The following CACNA1B variants were observed in gnomAD, a reference collection of about 807,000 sequenced individuals.
CACNA1B encodes the protein voltage-dependent N-type calcium channel subunit alpha-1B.
Under a neutral mutation model 247.2 loss-of-function variants are expected in CACNA1B, and 70 were observed. The ratio of observed to expected loss-of-function variants is 0.28; its 90% CI spans 0.23 to 0.35. The LOEUF is 0.35. Among genes scored for constraint, CACNA1B ranks in the 10% least tolerant of loss-of-function variants. The pLI, the probability that CACNA1B is intolerant of heterozygous loss-of-function variation, is 1.00. For synonymous variants in CACNA1B, 1,231 were observed against 1,294.4 expected (o/e 0.95, Z 1.05); for missense variants, 2,367 against 3,197.4 (o/e 0.74, Z 6.26).
chr9:138,014,078 CAGCCACAGG>C lies in CACNA1B; in HGVS notation c.2267+844_2267+852del, dbSNP rs1958760446. The stretch of plus-strand genomic sequence containing the variant: ...TGAACACGGAACACAGGGCCGGGTG[CAGCCACAGG>C]TGCATCTGTAGTGACGTGTGTCTGC... On this transcript the variant is annotated intron_variant, in intron 18 of 46. Coordinates refer to ENST00000371372, the MANE Select transcript of CACNA1B (RefSeq NM_000718.4). This position sits in a 1 kb window ranked among gnomAD's most constrained non-coding sequence, Gnocchi z 6.2. 6.6e-6 allele frequency among the ~76,000 whole-genome samples: 1 copy of C among 152,256 alleles called. No individual in the cohort carries two copies. Among genetic ancestry groups the C allele is most frequent in the Admixed American group, 6.5e-5 (1 of 15,288 alleles).
At chr9:138,048,360 T>G (rs935716590) in intron 23 of CACNA1B, among the ~76,000 whole-genome samples, 1 of 152,186 alleles carries the variant, frequency 6.6e-6, no homozygotes, top group African/African-American at 2.4e-5. Flanking sequence ...TGGGGCCATG[T>G]GTACCTACAG....
Position 138,011,246 on chromosome 9 carries a change from G to A in CACNA1B, c.2160+1169G>A, listed in dbSNP as rs1185367948. ...GAGCCCGGGGCCCTAGCTGTCCTGG[G>A]TGGGCTGCACTGGAGCGCTGGGGCC... is the stretch of plus-strand genomic sequence containing the variant. On this transcript the variant is annotated intron_variant, in intron 17 of 46. Coordinates refer to ENST00000371372, the MANE Select transcript of CACNA1B (RefSeq NM_000718.4). The surrounding 1 kb of genome is among the most constrained non-coding windows in gnomAD (Gnocchi z 4.2). Among the ~76,000 whole-genome samples, 1 of 152,182 alleles carries A rather than the reference G, an allele frequency of 6.6e-6. No homozygotes were observed. The highest frequency in any genetic ancestry group is 1.5e-5 in the Non-Finnish European group (1 of 68,038).
chr9:138,059,166 A>G lies in CACNA1B; in HGVS notation c.4561A>G (p.Lys1521Glu). The G allele has an allele frequency of 1.2e-6, 2 of 1,610,392 alleles. No homozygotes were observed. The highest frequency in any genetic ancestry group is 1.7e-6 in the Non-Finnish European group (2 of 1,176,804). Residue 1521 changes from lysine to glutamate, a missense_variant, in exon 30 of 47, where the codon AAG becomes GAG. This residue lies in a region of CACNA1B where 436 missense variants were observed against 679.5 expected (regional missense o/e 0.64). Transcript: ENST00000371372. This position sits in a 1 kb window ranked among gnomAD's most constrained non-coding sequence, Gnocchi z 4.2. ...CATGTTCTCCATGGAATGCGTGCTG[A>G]AGATCATCGCCTTTGGGGTGCTGGT... ...TSMFSMECVL[K>E]IIAFGVLNYF...
At chr9:138,028,242 T>C (rs7033009) in intron 20 of CACNA1B, among the ~76,000 whole-genome samples, 29,514 of 151,830 alleles carry the variant, frequency 0.19, 7,694 homozygotes, top group African/African-American at 0.6. Flanking sequence ...AGGCTGATCT[T>C]AAACTCCTGA....
chr9:137,921,400 G>T (rs1397312388), intron 6 of CACNA1B, among the ~76,000 whole-genome samples: 2 of 152,044 alleles, frequency 1.3e-5, no homozygotes, highest in African/African-American at 2.4e-5. Context: ...AGAGTAAAGC[G>T]TTCGGAGAAC....
At chr9:137,987,550 G>A (rs1348346396) in intron 15 of CACNA1B, among the ~76,000 whole-genome samples, 2 of 152,200 alleles carry the variant, frequency 1.3e-5, no homozygotes, top group Non-Finnish European at 2.9e-5. Context: ...TGTCTTGCCT[G>A]TGATGCCTCT....
At chr9:137,927,928 A>G (rs1387349826) in intron 6 of CACNA1B, among the ~76,000 whole-genome samples, 1 of 152,092 alleles carries the variant, frequency 6.6e-6, no homozygotes, top group Non-Finnish European at 1.5e-5. Context: ...TAATATGGTG[A>G]ATTACATTGA....
At chr9:138,046,493 G>A (rs1589092774) in intron 21 of CACNA1B, among the ~76,000 whole-genome samples, 1 of 152,226 alleles carries the variant, frequency 6.6e-6, no homozygotes, top group East Asian at 1.9e-4. Context: ...GCTGCCCACA[G>A]CTGACCTCTT....
At chr9:138,110,174 G>T (rs1023053161) in intron 39 of CACNA1B, among the ~76,000 whole-genome samples, 2 of 151,904 alleles carry the variant, frequency 1.3e-5, no homozygotes, top group African/African-American at 4.8e-5. Context: ...CAGTGCAGTG[G>T]TGCAATCTCA....
At chr9:137,935,610 T>C (rs1365205501) in intron 6 of CACNA1B, among the ~76,000 whole-genome samples, 1 of 152,216 alleles carries the variant, frequency 6.6e-6, no homozygotes, top group Non-Finnish European at 1.5e-5. Context: ...ATCCTTTGGG[T>C]ATATACCCAG....
intron 3 of CACNA1B, among the ~76,000 whole-genome samples, chr9:137,911,175 T>G (rs1056287764): frequency 1.7e-4 from 26 of 151,988 alleles, no homozygotes; most frequent in Non-Finnish European, 2.9e-4. Context: ...TATGTGGGGG[T>G]TTATTTCTGG....
At chr9:137,894,348 C>T (rs1957147343) in intron 3 of CACNA1B, among the ~76,000 whole-genome samples, 1 of 131,010 alleles carries the variant, frequency 7.6e-6, no homozygotes, top group Non-Finnish European at 1.5e-5. Flanking sequence ...ATGTCGTGAT[C>T]GTTGTGGCTT....
chr9:138,030,145 C>G (rs1056811464), intron 20 of CACNA1B, among the ~76,000 whole-genome samples: 16 of 152,156 alleles, frequency 1.1e-4, no homozygotes, highest in Admixed American at 6.5e-5. Flanking sequence ...TGACATCTTT[C>G]CTGGAGGGAG....
chr9:138,121,641 C>G lies in CACNA1B; in HGVS notation c.6662C>G (p.Pro2221Arg), dbSNP rs1230349677. 1.2e-6 allele frequency: 2 copies of G among 1,613,000 alleles called. No homozygotes were observed. The highest frequency in any genetic ancestry group is 1.6e-4 in the Middle Eastern group (1 of 6,082). ...TTCGCCGGGGCTCAGACCAGCCTCC[C>G]TGCCTTCTCCCCAGGCCGGCTCAGC... ...IHFAGAQTSL[P>R]AFSPGRLSRG... Residue 2221 changes from proline to arginine, a missense_variant, in exon 47 of 47, where the codon CCT (proline) becomes CGT (arginine). Transcript: ENST00000371372. The surrounding 1 kb of genome is among the most constrained non-coding windows in gnomAD (Gnocchi z 6.8).
intron 15 of CACNA1B, among the ~76,000 whole-genome samples, chr9:138,000,307 C>T (rs1008700607): frequency 1.3e-4 from 20 of 152,114 alleles, no homozygotes; most frequent in East Asian, 1.9e-4. Context: ...ACCGTGTTAG[C>T]CAGGATGGTC....
intron 12 of CACNA1B, among the ~76,000 whole-genome samples, chr9:137,983,117 A>G (rs1031377471): frequency 6.6e-6 from 1 of 152,228 alleles, no homozygotes; most frequent in African/African-American, 2.4e-5. Flanking sequence ...TCAGCTTTGC[A>G]GTTGATGCGA....
At chr9:137,935,099 A>T (rs1158774219) in intron 6 of CACNA1B, among the ~76,000 whole-genome samples, 1 of 152,170 alleles carries the variant, frequency 6.6e-6, no homozygotes, top group East Asian at 1.9e-4. Context: ...ATGAGGGGAT[A>T]AATTTTCTTT....
intron 25 of CACNA1B, 64 bp from the exon 26 acceptor site, chr9:138,053,782 T>G: frequency 4.9e-5 from 26 of 526,802 alleles, no homozygotes; most frequent in East Asian, 8.4e-5. Context: ...CCCTTCCCCC[T>G]CATGGCCCCA....
At chr9:137,970,696 C>T (rs1311108866) in intron 10 of CACNA1B, among the ~76,000 whole-genome samples, 1 of 152,134 alleles carries the variant, frequency 6.6e-6, no homozygotes, top group African/African-American at 2.4e-5. Flanking sequence ...GTGAGGGACG[C>T]ATTTCACACT....
Sources: gnomAD v4.1 joint callset for allele counts (sites outside exome capture counted in the v4.1 genomes callset) on GRCh38, gnomAD v4.1.1 for gene constraint, gnomAD v4.1.1 regional missense constraint, Gnocchi (gnomAD v3.1) non-coding constraint, MANE v1.5 for transcripts, NCBI Gene and HGNC (gene_info 2026-07-23, HGNC 2026-07-21) for gene names.